NRG1: variants seen among roughly 807,000 people sequenced by gnomAD.
The protein encoded by NRG1 is neuregulin 1.
Under a neutral mutation model 63.8 loss-of-function variants are expected in NRG1, and 18 were observed. That is an observed-to-expected ratio of 0.28 (90% CI 0.19 to 0.42). The LOEUF is 0.42. NRG1 is among the 10% of genes least tolerant of loss of function. The pLI is 1.00. For missense variants in NRG1, 762 were observed against 814.7 expected (o/e 0.94, Z 0.79); for synonymous variants, 302 against 301.3 (o/e 1.00, Z -0.02).
intron 1 of NRG1, among the ~76,000 whole-genome samples, chr8:31,865,785 T>C (rs925460665): frequency 7.2e-5 from 11 of 152,140 alleles, no homozygotes; most frequent in Non-Finnish European, 1.6e-4. Flanking sequence ...TATTTCTTCA[T>C]AGTAGCATGA....
intron 1 of NRG1, among the ~76,000 whole-genome samples, chr8:32,409,736 A>G (rs1814621124): frequency 6.6e-6 from 1 of 152,130 alleles, no homozygotes; most frequent in African/African-American, 2.4e-5. Context: ...ATGAGCTTTG[A>G]TAGTTAACTT....
At chr8:32,091,961 T>C (rs1404413921) in intron 1 of NRG1, among the ~76,000 whole-genome samples, 1 of 152,100 alleles carries the variant, frequency 6.6e-6, no homozygotes, top group African/African-American at 2.4e-5. Context: ...AACATGCTCC[T>C]TGAAGCTTCA....
At position 32,680,008 on chromosome 8, in the gene NRG1, A is replaced by G. The variant is rs145594419; in HGVS notation, c.503-47941A>G. On this transcript the variant is annotated intron_variant, in intron 5 of 11. Transcript: ENST00000356819. ...TTTGACATTGAGGATGTCATTTTGT[A>G]AATTAACCTATGACATTTTTACTTT... is the stretch of plus-strand genomic sequence containing the variant. Among the ~76,000 whole-genome samples the G allele has an allele frequency of 4.6e-3, 704 of 152,354 alleles. 1 individual carries two copies. The highest frequency in any genetic ancestry group is 0.016 in the African/African-American group (645 of 41,594).
rs541524090 is a variant in NRG1, at chr8:32,047,952, A to G, written c.37+408521A>G. Among the ~76,000 whole-genome samples the G allele has an allele frequency of 3.9e-4, 60 of 152,018 alleles. 1 individual carries two copies. The highest frequency in any genetic ancestry group is 1.4e-3 in the African/African-American group (59 of 41,498). On this transcript the variant is annotated intron_variant, in intron 1 of 10. Coordinates refer to the NRG1 transcript ENST00000519301. Reference sequence around the variant, plus strand: ...TCAATCCACCATTCTGTTCTCTCCTATGAGATCAGCTTTTTTAGATTCTGA... The same window carrying G: ...TCAATCCACCATTCTGTTCTCTCCTGTGAGATCAGCTTTTTTAGATTCTGA...
chr8:32,579,869 A>G (rs1840333242), intron 1 of NRG1, among the ~76,000 whole-genome samples: 2 of 152,198 alleles, frequency 1.3e-5, no homozygotes, highest in Non-Finnish European at 1.5e-5. Flanking sequence ...GCAGGGCTGC[A>G]GGAGGCTCTA....
intron 1 of NRG1, among the ~76,000 whole-genome samples, chr8:31,871,090 C>G (rs1362279884): frequency 6.6e-6 from 1 of 151,738 alleles, no homozygotes; most frequent in African/African-American, 2.4e-5. Context: ...GAGTCTCCTG[C>G]CTCAGCCTCC....
rs1374271926 is a variant in NRG1, at chr8:31,881,583, A to G, written c.37+242152A>G. 2.6e-5 allele frequency among the ~76,000 whole-genome samples: 4 copies of G among 152,228 alleles called. No homozygotes were observed. In the East Asian group the frequency reaches 7.7e-4, roughly 29 times the overall value. On this transcript the variant is annotated intron_variant, in intron 1 of 10. Transcript: ENST00000519301. Reference sequence around the variant, plus strand: ...AAACCTAGAAAGGATTGAGCTTAATAAAGAAGGCATGTCAAAAGCTGAGAT... The same window carrying G: ...AAACCTAGAAAGGATTGAGCTTAATGAAGAAGGCATGTCAAAAGCTGAGAT...
intron 1 of NRG1, among the ~76,000 whole-genome samples, chr8:32,029,912 T>C (rs904410107): frequency 6.6e-6 from 1 of 152,140 alleles, no homozygotes; most frequent in Admixed American, 6.5e-5. Context: ...AGCTTTGTAT[T>C]ATCATTTTAA....
At chr8:32,239,985 C>A (rs963959969) in intron 1 of NRG1, among the ~76,000 whole-genome samples, 1 of 152,166 alleles carries the variant, frequency 6.6e-6, no homozygotes, top group African/African-American at 2.4e-5. Flanking sequence ...ACTCTGTAAA[C>A]AATTTGCTTG....
chr8:32,342,772 TAAAC>T (rs1387250781), intron 1 of NRG1, among the ~76,000 whole-genome samples: 4 of 152,228 alleles, frequency 2.6e-5, no homozygotes, highest in African/African-American at 9.6e-5. Flanking sequence ...TTCTAAAAAA[TAAAC>T]AAGCATTTGT....
intron 1 of NRG1, among the ~76,000 whole-genome samples, chr8:32,239,578 A>G (rs1374984507): frequency 1.3e-5 from 2 of 152,100 alleles, no homozygotes; most frequent in African/African-American, 4.8e-5. Flanking sequence ...TCAAAATTAA[A>G]ACTTTTGTTC....
At chr8:31,891,456 A>G (rs905626870) in intron 1 of NRG1, among the ~76,000 whole-genome samples, 33 of 152,308 alleles carry the variant, frequency 2.2e-4, no homozygotes, top group African/African-American at 7.5e-4. Flanking sequence ...TCCAACTATC[A>G]AAATGGCTAA....
chr8:32,664,226 A>G (rs937556622), intron 5 of NRG1, among the ~76,000 whole-genome samples: 1 of 152,142 alleles, frequency 6.6e-6, no homozygotes, highest in East Asian at 1.9e-4. Context: ...CATCAAAGAC[A>G]TAAAAGCCTT....
At chr8:32,417,782 G>A (rs1816134645) in intron 1 of NRG1, among the ~76,000 whole-genome samples, 1 of 152,128 alleles carries the variant, frequency 6.6e-6, no homozygotes. Context: ...TAGCTTAAGA[G>A]TTAAATTTTT....
At chr8:32,222,643 A>G (rs1586191488) in intron 1 of NRG1, among the ~76,000 whole-genome samples, 2 of 152,194 alleles carry the variant, frequency 1.3e-5, no homozygotes, top group Admixed American at 1.3e-4. Context: ...TAATGGCACC[A>G]TTAGCTACGG....
intron 1 of NRG1, among the ~76,000 whole-genome samples, chr8:31,851,103 T>G (rs750577832): frequency 9.8e-5 from 15 of 152,356 alleles, no homozygotes; most frequent in Middle Eastern, 3.4e-3. Flanking sequence ...AGGACATCTG[T>G]GGAGATTAAA....
intron 1 of NRG1, among the ~76,000 whole-genome samples, chr8:31,779,733 T>C (rs1819498029): frequency 6.6e-6 from 1 of 152,190 alleles, no homozygotes; most frequent in Non-Finnish European, 1.5e-5. Flanking sequence ...GAGACCCAAG[T>C]TCCTGTCCTG....
rs1802995418 is a variant in NRG1, at chr8:31,948,668, A to C, written c.37+309237A>C. Among the ~76,000 whole-genome samples the C allele has an allele frequency of 2.0e-5, 3 of 152,318 alleles. No individual in the cohort carries two copies. In the South Asian group the frequency reaches 6.2e-4, roughly 32 times the overall value. ...CTCTTTATCCGATTTCCTGTGTCCTAATGAGATGGCTGAAACCTGTTTGGA... is the reference window on the plus strand; with the variant it reads ...CTCTTTATCCGATTTCCTGTGTCCTCATGAGATGGCTGAAACCTGTTTGGA... On this transcript the variant is annotated intron_variant, in intron 1 of 10. Coordinates refer to the NRG1 transcript ENST00000519301.
intron 1 of NRG1, among the ~76,000 whole-genome samples, chr8:32,401,675 G>C (rs1026662788): frequency 6.6e-6 from 1 of 152,106 alleles, no homozygotes; most frequent in Non-Finnish European, 1.5e-5. Flanking sequence ...ATCAGTGGGA[G>C]CTAAACAAAG....
Sources: allele counts gnomAD v4.1 joint callset (sites outside exome capture counted in the v4.1 genomes callset), GRCh38; gene constraint gnomAD v4.1.1; transcripts MANE v1.5; gene names NCBI Gene and HGNC (gene_info 2026-07-23, HGNC 2026-07-21).